The following PHTF1 variants were observed in gnomAD, a reference collection of about 807,000 sequenced individuals.
The protein encoded by PHTF1 is protein PHTF1.
A neutral mutation model predicts 102.4 loss-of-function variants in PHTF1; 88 were observed. That is an observed-to-expected ratio of 0.86 (90% confidence interval 0.72 to 1.03). The LOEUF (loss-of-function observed/expected upper bound fraction) is 1.03. Ranked by LOEUF, PHTF1 falls within the 50% of genes least tolerant of loss-of-function variation. The pLI is 0.00. For missense variants in PHTF1, 814 were observed against 909.5 expected (o/e 0.89, Z 1.35); for synonymous variants, 289 against 305.2 (o/e 0.95, Z 0.55).
Position 113,697,668 on chromosome 1 carries a change from G to A in PHTF1, c.*37C>T, listed in dbSNP as rs770389493. 2 of 1,514,018 alleles carry A rather than the reference G, an allele frequency of 1.3e-6. No individual in the cohort carries two copies. The highest frequency in any genetic ancestry group is 2.9e-5 in the African/African-American group (2 of 69,424). The allele number at this position is 1,514,018 out of a possible 1,614,324, so 93.8% of individuals were successfully genotyped here. ...TCACTTTCCTTGATAGGTAAGTTTT[G>A]ATACCAGCCAGGGGAGAGTCCAGGC... On this transcript the variant is annotated 3_prime_UTR_variant, in exon 19 of 19. Transcript: ENST00000369604.
upstream of PHTF1, among the ~76,000 whole-genome samples, chr1:113,759,845 C>G (rs796904979): frequency 2.0e-5 from 3 of 152,342 alleles, no homozygotes; most frequent in African/African-American, 7.2e-5. Context: ...TCCATGAGGT[C>G]AGAGACTGGG....
chr1:113,719,891 G>A (rs1038151419), intron 7 of PHTF1, among the ~76,000 whole-genome samples: 1 of 152,168 alleles, frequency 6.6e-6, no homozygotes, highest in Non-Finnish European at 1.5e-5. Flanking sequence ...CACAAGGCTG[G>A]GGAGGCTTCA....
chr1:113,729,961 C>T (rs1315089596), intron 5 of PHTF1, among the ~76,000 whole-genome samples: 4 of 152,194 alleles, frequency 2.6e-5, no homozygotes, highest in African/African-American at 9.7e-5. Flanking sequence ...TGTTTGGAAC[C>T]ATCCCAAACA....
chr1:113,716,552 G>A (rs1429365906), intron 7 of PHTF1, among the ~76,000 whole-genome samples: 1 of 151,824 alleles, frequency 6.6e-6, no homozygotes, highest in African/African-American at 2.4e-5. Flanking sequence ...TCTCCCTAAT[G>A]TTGCCCAGGT....
At chr1:113,735,276 G>C (rs1402020273) in intron 5 of PHTF1, among the ~76,000 whole-genome samples, 1 of 129,730 alleles carries the variant, frequency 7.7e-6, no homozygotes, top group Non-Finnish European at 1.5e-5. Context: ...TGAGGCAAGA[G>C]AATCACTTGA....
rs1650855043 is a variant in PHTF1 at position 113,710,289 on chromosome 1, T to C, written c.1234A>G (p.Thr412Ala). ...ACATCCTCTTTGGGGTCACGTTTGGTCCCTGAGTGAAGGGTATTCACATGG... is the reference window on the plus strand; with the variant it reads ...ACATCCTCTTTGGGGTCACGTTTGGCCCCTGAGTGAAGGGTATTCACATGG... The part of the protein sequence containing the change: ...GAHVNTLHSG[T>A]KRDPKEDVFQ... The change falls in exon 11 of 19, where the codon ACC becomes GCC. Residue 412 changes from threonine to alanine, a missense_variant. Physicochemically the swap from Thr to Ala is moderately conservative, Grantham distance 58. Transcript: ENST00000369604. The C allele has an allele frequency of 1.2e-6, 2 of 1,613,716 alleles. No individual in the cohort carries two copies. Among genetic ancestry groups the C allele is most frequent in the Admixed American group, 3.3e-5 (2 of 60,010 alleles).
At chr1:113,716,012 A>G (rs1438809377) in intron 7 of PHTF1, among the ~76,000 whole-genome samples, 1 of 152,154 alleles carries the variant, frequency 6.6e-6, no homozygotes, top group African/African-American at 2.4e-5. Context: ...CTGACCTTAA[A>G]GAGGCGGTAG....
intron 3 of PHTF1, among the ~76,000 whole-genome samples, chr1:113,743,415 T>G (rs982544113): frequency 6.6e-6 from 1 of 152,156 alleles, no homozygotes; most frequent in South Asian, 2.1e-4. Context: ...AATGCCTTCT[T>G]CTGGAATACC....
In PHTF1 at chr1:113,738,144, G is replaced by C. The variant is rs1460934761; in HGVS notation, c.297C>G (p.Ile99Met). 1 of 1,611,834 alleles carries C rather than the reference G, an allele frequency of 6.2e-7. No homozygotes were observed. Among genetic ancestry groups the C allele is most frequent in the East Asian group, 2.2e-5 (1 of 44,864 alleles). Residue 99 changes from isoleucine to methionine, a missense_variant, in exon 5 of 19, where the codon ATC becomes ATG. By Grantham distance (10) the Ile-to-Met change is conservative. Coordinates refer to ENST00000369604, the MANE Select transcript of PHTF1 (RefSeq NM_001323043.2). ...NWWIQVTSLR[I>M]FVWLLLLYFM... ...AATAAAGTAGTAACAGCCAAACAAA[G>C]ATTCTTAAAGAGGTAACCTGAATCC...
intron 3 of PHTF1, among the ~76,000 whole-genome samples, chr1:113,756,691 A>C (rs1278326282): frequency 6.6e-6 from 1 of 152,230 alleles, no homozygotes; most frequent in African/African-American, 2.4e-5. Context: ...CAAATGGCTT[A>C]ACCCCACAAC....
intron 7 of PHTF1, among the ~76,000 whole-genome samples, chr1:113,724,540 CAAAAAAA>C (rs61211077): frequency 1.7e-5 from 1 of 59,838 alleles, no homozygotes; most frequent in Non-Finnish European, 3.7e-5. Context: ...GACTCCATTT[CAAAAAAA>C]AAAAAAAAAA....
At chr1:113,710,162 G>T in intron 11 of PHTF1, 92 bp downstream of exon 11, 1 of 892,072 alleles carries the variant, frequency 1.1e-6, no homozygotes, top group Non-Finnish European at 1.8e-6. Context: ...CTACCCTACA[G>T]GATGATTGTA....
intron 5 of PHTF1, among the ~76,000 whole-genome samples, chr1:113,734,245 G>C (rs1655143778): frequency 6.6e-6 from 1 of 152,116 alleles, no homozygotes; most frequent in Non-Finnish European, 1.5e-5. Context: ...GGGCAACAGA[G>C]CAAGACTCTG....
At chr1:113,758,421 G>T (rs565876658) in intron 2 of PHTF1, among the ~76,000 whole-genome samples, 1 of 151,660 alleles carries the variant, frequency 6.6e-6, no homozygotes, top group Non-Finnish European at 1.5e-5. Flanking sequence ...AAAGCATTGC[G>T]GTGGCATTGT....
chr1:113,746,191 G>C lies in PHTF1; in HGVS notation c.103-7392C>G, dbSNP rs561777759. On this transcript the variant is annotated intron_variant, in intron 3 of 18. Transcript: ENST00000369604. Reference sequence around the variant, plus strand: ...GGTTAGACCAGGTAATTAGAAGCGTGAACTGGGAAGAGTACTCATATTCAA... The same window carrying C: ...GGTTAGACCAGGTAATTAGAAGCGTCAACTGGGAAGAGTACTCATATTCAA... 8.0e-4 allele frequency among the ~76,000 whole-genome samples: 122 copies of C among 152,314 alleles called. 3 individuals are homozygous for C. The highest frequency in any genetic ancestry group is 5.9e-3 in the Admixed American group (91 of 15,296).
intron 15 of PHTF1, among the ~76,000 whole-genome samples, 167 bp from the exon 16 acceptor site, chr1:113,701,116 T>C (rs1354632274): frequency 1.3e-5 from 2 of 152,250 alleles, no homozygotes; most frequent in Non-Finnish European, 2.9e-5. Context: ...TTAATCACTA[T>C]ATATTTCTCT....
intron 7 of PHTF1, among the ~76,000 whole-genome samples, chr1:113,715,771 TA>T (rs935407993): frequency 9.4e-4 from 105 of 111,724 alleles, no homozygotes; most frequent in Non-Finnish European, 1.0e-3. Flanking sequence ...GTGAAATAAC[TA>T]AAAAAAAAAA....
intron 3 of PHTF1, among the ~76,000 whole-genome samples, chr1:113,742,122 C>G (rs1656461312): frequency 6.6e-6 from 1 of 152,186 alleles, no homozygotes; most frequent in Non-Finnish European, 1.5e-5. Context: ...AGAAATTCAT[C>G]TTTAAGTGAT....
chr1:113,721,942 C>T (rs547126089), intron 7 of PHTF1, among the ~76,000 whole-genome samples: 1 of 151,870 alleles, frequency 6.6e-6, no homozygotes, highest in Admixed American at 6.5e-5. Context: ...GATCCGCCCG[C>T]CTTGGCCTCC....
Sources: gnomAD v4.1 joint callset for allele counts (sites outside exome capture counted in the v4.1 genomes callset) on GRCh38, gnomAD v4.1.1 for gene constraint, MANE v1.5 for transcripts, NCBI Gene and HGNC (gene_info 2026-07-23, HGNC 2026-07-21) for gene names.